Variants in KLHL32 observed in about 807,000 individuals in gnomAD.
KLHL32 encodes the protein kelch like family member 32.
Under a neutral mutation model 64.8 loss-of-function variants are expected in KLHL32, and 35 were observed. The ratio of observed to expected loss-of-function variants is 0.54; its 90% CI spans 0.41 to 0.72. The LOEUF is 0.72. Among genes scored for constraint, KLHL32 ranks in the 30% least tolerant of loss-of-function variants. KLHL32 has a pLI of 0.00. For synonymous variants in KLHL32, 259 were observed against 281.0 expected (o/e 0.92, Z 0.78); for missense variants, 589 against 768.5 (o/e 0.77, Z 2.76).
At chr6:97,027,135 C>T (rs968175061) in intron 3 of KLHL32, among the ~76,000 whole-genome samples, 5 of 147,448 alleles carry the variant, frequency 3.4e-5, no homozygotes, top group African/African-American at 1.3e-4. Flanking sequence ...GCACTCCAGC[C>T]TGGGCAACAG....
At chr6:97,001,814 G>A (rs995718368) in intron 3 of KLHL32, among the ~76,000 whole-genome samples, 12 of 152,184 alleles carry the variant, frequency 7.9e-5, no homozygotes, top group Non-Finnish European at 1.3e-4. Flanking sequence ...ATGGAGAGTA[G>A]CACTCTGAAG....
intron 6 of KLHL32, among the ~76,000 whole-genome samples, chr6:97,090,066 G>A (rs1196968645): frequency 1.3e-5 from 2 of 152,146 alleles, no homozygotes; most frequent in Admixed American, 1.3e-4. Context: ...GGGCAATCCT[G>A]TTCATATTTG....
In KLHL32 at chr6:97,041,492, G is replaced by T. The variant is rs371090551; in HGVS notation, c.205G>T (p.Ala69Ser). Residue 69 changes from alanine to serine, a missense_variant and splice_region_variant, in exon 4 of 11, where the codon GCA becomes TCA. Ala to Ser is a moderately conservative substitution (Grantham distance 99). Around this residue, in one of 3 missense-constraint regions of KLHL32, gnomAD observed 191 missense variants for 223.3 expected, o/e 0.86. Transcript: ENST00000369261. ...GTCTTTCTCCCTTTCCTCACCTCAG[G>T]CAATGTTCAGTCTTTGTATGGTGGA... ...VLAACSDYFR[A>S]MFSLCMVESG... is the part of the protein sequence containing the mutation. The T allele has an allele frequency of 6.2e-7, 1 of 1,606,502 alleles. No homozygotes were observed. The highest frequency in any genetic ancestry group is 1.3e-5 in the African/African-American group (1 of 74,834).
At chr6:97,130,977 G>A (rs1431719605) in intron 9 of KLHL32, 28 bp downstream of exon 9, 1 of 1,592,112 alleles carries the variant, frequency 6.3e-7, no homozygotes. Flanking sequence ...AGTAAATCAG[G>A]AAAAGTAGAT....
intron 6 of KLHL32, among the ~76,000 whole-genome samples, chr6:97,103,403 T>C (rs146607406): frequency 0.02 from 3,066 of 152,040 alleles, 81 homozygotes; most frequent in African/African-American, 0.065. Flanking sequence ...TTGGTAGAGA[T>C]GGGGTTTCAC....
Position 96,940,355 on chromosome 6 carries a change from G to C in KLHL32, c.-66+15329G>C, listed in dbSNP as rs1006677974. 1.1e-4 allele frequency among the ~76,000 whole-genome samples: 17 copies of C among 152,198 alleles called. No homozygotes were observed. In the East Asian group the frequency reaches 3.3e-3, roughly 29 times the overall value. On this transcript the variant is annotated intron_variant, in intron 1 of 10. Transcript: ENST00000369261. ...TAGGTAGAGAGGGATAAGCAAAAAG[G>C]AGAAAAAAATAAGTGTAGCCAGAGA... is the stretch of plus-strand genomic sequence containing the variant.
At chr6:96,977,399 G>A (rs1332396684) in intron 3 of KLHL32, among the ~76,000 whole-genome samples, 2 of 151,996 alleles carry the variant, frequency 1.3e-5, no homozygotes, top group East Asian at 3.9e-4. Flanking sequence ...TAGCAAACCT[G>A]GACAATTATT....
intron 1 of KLHL32, among the ~76,000 whole-genome samples, chr6:96,935,388 T>G: frequency 6.6e-6 from 1 of 152,188 alleles, no homozygotes; most frequent in African/African-American, 2.4e-5. Context: ...TAGAATTGTT[T>G]TATTGAGTTA....
chr6:96,905,684 A>C, the KLHL32 span, among the ~76,000 whole-genome samples: 1 of 152,224 alleles, frequency 6.6e-6, no homozygotes, highest in African/African-American at 2.4e-5. Context: ...AAACATTCAA[A>C]AACTATTAGC....
At chr6:97,134,808 A>G (rs978763755) in intron 10 of KLHL32, among the ~76,000 whole-genome samples, 6 of 152,170 alleles carry the variant, frequency 3.9e-5, no homozygotes, top group African/African-American at 1.4e-4. Context: ...TCCACATCTC[A>G]TATTTTGTTA....
At chr6:96,971,629 T>C (rs1775116217) in intron 2 of KLHL32, among the ~76,000 whole-genome samples, 1 of 152,034 alleles carries the variant, frequency 6.6e-6, no homozygotes, top group South Asian at 2.1e-4. Context: ...TCTGGGGCTT[T>C]CCATTGTTGC....
At chr6:97,080,868 C>T (rs1792390053) in intron 5 of KLHL32, among the ~76,000 whole-genome samples, 1 of 152,100 alleles carries the variant, frequency 6.6e-6, no homozygotes, top group Non-Finnish European at 1.5e-5. Context: ...TTGACGGTGA[C>T]ATGGAGAGGA....
intron 3 of KLHL32, among the ~76,000 whole-genome samples, chr6:96,990,495 A>G (rs966502621): frequency 1.3e-5 from 2 of 152,142 alleles, no homozygotes; most frequent in Non-Finnish European, 2.9e-5. Context: ...GTGCTCTGAA[A>G]GTGTAGTTTC....
In KLHL32 at chr6:97,131,077, C is replaced by G. The variant is rs955870330; in HGVS notation, c.1606+128C>G. Reference sequence around the variant, plus strand: ...TTGTAGAAGAACCTGCATTTATTAACCAGAAAGGTGTGTATCATTTATGTT... The same window carrying G: ...TTGTAGAAGAACCTGCATTTATTAAGCAGAAAGGTGTGTATCATTTATGTT... On this transcript the variant is annotated intron_variant, in intron 9 of 10. Transcript: ENST00000369261. The G allele has an allele frequency of 5.0e-5, 38 of 766,304 alleles. No homozygotes were observed. The East Asian group carries it at 9.4e-4, about 19-fold the overall frequency. 47.5% of individuals were successfully genotyped at this position (766,304 alleles called of 1,614,324 possible). A position where few individuals can be genotyped will look rare whatever the true frequency, so the allele number is the denominator to read the frequency against.
intron 3 of KLHL32, among the ~76,000 whole-genome samples, chr6:97,001,672 A>G (rs1779049937): frequency 6.6e-6 from 1 of 152,144 alleles, no homozygotes; most frequent in African/African-American, 2.4e-5. Flanking sequence ...GTCTCCCTAT[A>G]TTGCCCAATA....
At chr6:96,936,433 C>T (rs1770608339) in intron 1 of KLHL32, among the ~76,000 whole-genome samples, 1 of 152,188 alleles carries the variant, frequency 6.6e-6, no homozygotes, top group Admixed American at 6.5e-5. Flanking sequence ...AAGCCTACCT[C>T]ATCCAGAGCC....
At chr6:97,061,566 C>CT (rs1212307912) in intron 4 of KLHL32, among the ~76,000 whole-genome samples, 1 of 152,184 alleles carries the variant, frequency 6.6e-6, no homozygotes, top group Non-Finnish European at 1.5e-5. Flanking sequence ...CTCTTCCTTC[C>CT]TGCAGGTGGT....
At chr6:96,987,341 G>GTAA in intron 3 of KLHL32, among the ~76,000 whole-genome samples, 1 of 152,080 alleles carries the variant, frequency 6.6e-6, no homozygotes, top group South Asian at 2.1e-4. Flanking sequence ...TCTCTTGTGG[G>GTAA]CATTTAGTGG....
chr6:97,033,173 A>G (rs1452074898), intron 3 of KLHL32, among the ~76,000 whole-genome samples: 2 of 152,140 alleles, frequency 1.3e-5, no homozygotes, highest in Non-Finnish European at 2.9e-5. Flanking sequence ...ATGTACTGGG[A>G]AACCAAAACA....
Sources: allele counts gnomAD v4.1 joint callset (sites outside exome capture counted in the v4.1 genomes callset), GRCh38; gene constraint gnomAD v4.1.1; regional missense constraint gnomAD v4.1.1; transcripts MANE v1.5; gene names NCBI Gene and HGNC (gene_info 2026-07-23, HGNC 2026-07-21).